SLC26A4: variants seen among roughly 807,000 people sequenced by gnomAD.
SLC26A4 encodes the protein solute carrier family 26 member 4.
In SLC26A4, 93 loss-of-function variants were observed where a neutral mutation model predicts 90.4. That is an observed-to-expected ratio of 1.03 (90% CI 0.87 to 1.22). SLC26A4 has a LOEUF of 1.22. Ranked by LOEUF, SLC26A4 falls within the 50% of genes most tolerant of loss-of-function variation. The probability of loss-of-function intolerance (pLI) is 0.00; values close to 1 mark genes in which losing one functional copy is unlikely to be tolerated. For synonymous variants in SLC26A4, 393 were observed against 354.6 expected, an observed-to-expected ratio of 1.11 and a Z score of -1.22; for missense variants, 1,127 against 946.2, an observed-to-expected ratio of 1.19 and a Z score of -2.51.
Position 107,701,117 on chromosome 7 carries a change from T to G in SLC26A4, c.1724T>G (p.Ile575Ser). ...CIKSTVGFDA[I>S]RVYNKRLKAL... is the part of the protein sequence containing the mutation. ...TTTCCAAAGGTTGGATTTGATGCCA[T>G]TAGAGTATATAATAAGAGGCTGAAA... is the stretch of plus-strand genomic sequence containing the variant. Residue 575 changes from isoleucine (I) to serine (S), a missense_variant, in exon 16 of 21, where the codon ATT becomes AGT. Transcript: ENST00000644269. The G allele has an allele frequency of 6.2e-7, 1 of 1,606,052 alleles. No individual in the cohort carries two copies.
intron 10 of SLC26A4, chr7:107,693,101 G>A (rs1385188281): frequency 6.2e-6 from 1 of 161,704 alleles, no homozygotes; most frequent in Non-Finnish European, 1.3e-5. Flanking sequence ...AAGGAAGGGA[G>A]GGATAAGGGA....
rs755699590 is a variant in SLC26A4, at chr7:107,690,130, A to G, written c.1156A>G (p.Ile386Val). 3 of 1,596,914 alleles carry G rather than the reference A, an allele frequency of 1.9e-6. No individual in the cohort carries two copies. Among genetic ancestry groups the G allele is most frequent in the South Asian group, 1.1e-5 (1 of 90,762 alleles). The change falls in exon 10 of 21, where the codon ATT (isoleucine) becomes GTT (valine). Residue 386 changes from isoleucine to valine, a missense_variant. Coordinates refer to ENST00000644269, the MANE Select transcript of SLC26A4 (RefSeq NM_000441.2). ...CATCCAGTCTCTTCCTTAGGAATTC[A>G]TTGCCTTTGGGATCAGCAACATCTT... ...DYTIDGNQEF[I>V]AFGISNIFSG...
intron 18 of SLC26A4, among the ~76,000 whole-genome samples, chr7:107,709,600 G>A (rs1170716543): frequency 6.6e-6 from 1 of 152,140 alleles, no homozygotes; most frequent in East Asian, 1.9e-4. Context: ...CCAGAGAAGG[G>A]CACAGCTGTG....
chr7:107,679,421 G>A (rs1031535928), intron 6 of SLC26A4, among the ~76,000 whole-genome samples: 1 of 152,154 alleles, frequency 6.6e-6, no homozygotes, highest in Non-Finnish European at 1.5e-5. Context: ...TGGTCGTGAA[G>A]CATTTGTGAT....
chr7:107,715,430 G>C lies in SLC26A4; in HGVS notation c.2327G>C (p.Arg776Pro), dbSNP rs1377149068. The part of the protein sequence containing the change: ...EELDVQDEAM[R>P]TLAS ...TTCCCCTTGCTTCCACAGGCTATGCGTACACTTGCATCCTGAAAGTGGGTT... is the reference window on the plus strand; with the variant it reads ...TTCCCCTTGCTTCCACAGGCTATGCCTACACTTGCATCCTGAAAGTGGGTT... The change falls in exon 21 of 21, where the codon CGT becomes CCT. Residue 776 changes from arginine (R) to proline (P), a missense_variant. Arg to Pro is a moderately radical substitution (Grantham distance 103). Transcript: ENST00000644269. 2 of 1,613,084 alleles carry C rather than the reference G, an allele frequency of 1.2e-6. No homozygotes were observed. Among genetic ancestry groups the C allele is most frequent in the Admixed American group, 3.3e-5 (2 of 59,972 alleles).
intron 8 of SLC26A4, among the ~76,000 whole-genome samples, chr7:107,686,199 G>T (rs143184959): frequency 6.6e-6 from 1 of 151,630 alleles, no homozygotes; most frequent in Non-Finnish European, 1.5e-5. Context: ...TCCTGTCTTC[G>T]TCAGTTCCAG....
At position 107,701,895 on chromosome 7, in the gene SLC26A4, G is replaced by A; in HGVS notation, c.1872G>A (p.Leu624=). 8 of 1,613,176 alleles carry A rather than the reference G, an allele frequency of 5.0e-6. No individual in the cohort carries two copies. The highest frequency in any genetic ancestry group is 6.8e-6 in the Non-Finnish European group (8 of 1,179,144). The change falls in exon 17 of 21, where the codon CTG becomes CTA. Residue 624 remains leucine, a synonymous_variant. Coordinates refer to ENST00000644269, the MANE Select transcript of SLC26A4 (RefSeq NM_000441.2). ...AFEPDEDIED[L]EELDIPTKEI... is the part of the protein sequence containing the mutation. ...AGCCTGATGAGGATATTGAAGATCT[G>A]GAGGAACTTGATATCCCAACCAAGG...
At chr7:107,708,536 T>C (rs1035835830) in intron 18 of SLC26A4, among the ~76,000 whole-genome samples, 2 of 152,152 alleles carry the variant, frequency 1.3e-5, no homozygotes, top group African/African-American at 4.8e-5. Context: ...TAACCTCTGA[T>C]TGCCAAGCTA....
intron 6 of SLC26A4, 56 bp downstream of exon 6, chr7:107,675,165 T>C: frequency 6.4e-7 from 1 of 1,555,974 alleles, no homozygotes; most frequent in Non-Finnish European, 8.9e-7. Flanking sequence ...GAAACAATTG[T>C]ATTCATTCTC....
At chr7:107,693,213 G>A in intron 10 of SLC26A4, 1 of 759,434 alleles carries the variant, frequency 1.3e-6, no homozygotes, top group Non-Finnish European at 1.6e-6. Flanking sequence ...CAGCTTCTCT[G>A]CTTAGTCAGG....
intron 10 of SLC26A4, among the ~76,000 whole-genome samples, chr7:107,691,514 T>TACACACACACACACACAC (rs113976786): frequency 3.1e-4 from 40 of 131,036 alleles, no homozygotes; most frequent in African/African-American, 1.0e-3. Context: ...AATATATATA[T>TACACACACACACACACAC]ACACACACAC....
At position 107,679,882 on chromosome 7, in the gene SLC26A4, A is replaced by C. The variant is rs1244923948; in HGVS notation, c.766-3320A>C. On this transcript the variant is annotated intron_variant, in intron 6 of 20. Coordinates refer to ENST00000644269, the MANE Select transcript of SLC26A4 (RefSeq NM_000441.2). Reference sequence around the variant, plus strand: ...ATATTATATAATCTTATATTATATAATCTTATCTTATATAATCTTATATTA... The same window carrying C: ...ATATTATATAATCTTATATTATATACTCTTATCTTATATAATCTTATATTA... 6.3e-3 allele frequency among the ~76,000 whole-genome samples: 704 copies of C among 112,182 alleles called. 42 individuals carry two copies. The highest frequency in any genetic ancestry group is 0.031 in the African/African-American group (689 of 22,326). 73.6% of individuals were successfully genotyped at this position (112,182 alleles called of 152,430 possible). A position where few individuals can be genotyped will look rare whatever the true frequency, so the allele number is the denominator to read the frequency against.
chr7:107,694,634 CTGT>C lies in SLC26A4; in HGVS notation c.1359_1361del (p.Val454del). 1 of 1,612,646 alleles carries C rather than the reference CTGT, an allele frequency of 6.2e-7. No individual in the cohort carries two copies. The highest frequency in any genetic ancestry group is 8.5e-7 in the Non-Finnish European group (1 of 1,178,676). Reference sequence around the variant, plus strand: ...CTCTCTTGGCAGTCGGTCTTGGCAGCTGTTGTAATTGCCAACCTGAAAGGGATG... The same window carrying C: ...CTCTCTTGGCAGTCGGTCTTGGCAGCTGTAATTGCCAACCTGAAAGGGATG... On this transcript the variant is annotated inframe_deletion, in exon 12 of 21. Coordinates refer to ENST00000644269, the MANE Select transcript of SLC26A4 (RefSeq NM_000441.2).
intron 4 of SLC26A4, among the ~76,000 whole-genome samples, 166 bp from the exon 5 acceptor site, chr7:107,673,998 T>A (rs1300379236): frequency 6.6e-6 from 1 of 152,206 alleles, no homozygotes; most frequent in Non-Finnish European, 1.5e-5. Flanking sequence ...CCCAAAGTGC[T>A]GCGGTTACAG....
rs548528197 is a variant in SLC26A4 at position 107,674,763 on chromosome 7, G to C, written c.601-182G>C. Among the ~76,000 whole-genome samples, 9 of 152,282 alleles carry C rather than the reference G, an allele frequency of 5.9e-5. No homozygotes were observed. The South Asian group carries it at 1.9e-3, about 32-fold the overall frequency. ...TATTACACTTAGTTTTCAAATTTTA[G>C]AGTGGTGGAGGAAGGGGAGTGATAG... On this transcript the variant is annotated intron_variant, in intron 5 of 20. Coordinates refer to ENST00000644269, the MANE Select transcript of SLC26A4 (RefSeq NM_000441.2).
intron 10 of SLC26A4, chr7:107,691,779 T>G (rs1791584943): frequency 9.7e-7 from 1 of 1,033,974 alleles, no homozygotes; most frequent in African/African-American, 1.7e-5. Flanking sequence ...AATTTTTTAT[T>G]TTTTTTGCAA....
At chr7:107,665,146 A>C (rs900752959) in intron 3 of SLC26A4, among the ~76,000 whole-genome samples, 3 of 152,166 alleles carry the variant, frequency 2.0e-5, no homozygotes, top group African/African-American at 7.2e-5. Flanking sequence ...CTGATGGCTA[A>C]GTCTGAGTTT....
chr7:107,666,512 G>A (rs1459410265), intron 3 of SLC26A4, among the ~76,000 whole-genome samples: 1 of 152,154 alleles, frequency 6.6e-6, no homozygotes, highest in African/African-American at 2.4e-5. Flanking sequence ...GTGAGCCATT[G>A]TGCCCAGCCA....
intron 10 of SLC26A4, among the ~76,000 whole-genome samples, chr7:107,691,142 C>CACACACAT (rs1399430125): frequency 2.2e-5 from 3 of 134,928 alleles, no homozygotes; most frequent in Non-Finnish European, 5.0e-5. Context: ...CACACACACA[C>CACACACAT]ATGCACACAC....
Sources: allele counts gnomAD v4.1 joint callset (sites outside exome capture counted in the v4.1 genomes callset), GRCh38; gene constraint gnomAD v4.1.1; transcripts MANE v1.5; gene names NCBI Gene and HGNC (gene_info 2026-07-23, HGNC 2026-07-21).